Variants in SLC4A10 observed in about 807,000 individuals in gnomAD.
SLC4A10 encodes the protein solute carrier family 4 member 10.
In SLC4A10, 42 loss-of-function variants were observed where a neutral mutation model predicts 137.7. The ratio of observed to expected loss-of-function variants is 0.30; its 90% CI spans 0.24 to 0.39. SLC4A10 has a LOEUF of 0.39. Among genes scored for constraint, SLC4A10 ranks in the 10% least tolerant of loss-of-function variants. The pLI, the probability that SLC4A10 is intolerant of heterozygous loss-of-function variation, is 1.00. For missense variants in SLC4A10, 925 were observed against 1,355.0 expected (o/e 0.68, Z 4.98); for synonymous variants, 474 against 464.1 (o/e 1.02, Z -0.27).
intron 8 of SLC4A10, among the ~76,000 whole-genome samples, chr2:161,876,193 C>A (rs1358289233): frequency 6.6e-6 from 1 of 152,144 alleles, no homozygotes; most frequent in African/African-American, 2.4e-5. Flanking sequence ...AGCTCGATTT[C>A]TTCAAGATCC....
chr2:161,663,920 A>G (rs894720943), intron 1 of SLC4A10, among the ~76,000 whole-genome samples: 1 of 152,026 alleles, frequency 6.6e-6, no homozygotes, highest in African/African-American at 2.4e-5. Context: ...AACTGCATAC[A>G]TTTTTTGTTA....
At chr2:161,784,225 C>G (rs2053374823) in intron 2 of SLC4A10, among the ~76,000 whole-genome samples, 2 of 151,730 alleles carry the variant, frequency 1.3e-5, no homozygotes, top group Admixed American at 1.3e-4. Flanking sequence ...AATTAAGCAC[C>G]TAAACATATA....
chr2:161,801,617 G>A (rs10177786), intron 2 of SLC4A10, among the ~76,000 whole-genome samples: 4,667 of 152,066 alleles, frequency 0.031, 247 homozygotes, highest in African/African-American at 0.11. Context: ...CACTTTTGAC[G>A]CTTTCTTCAA....
chr2:161,741,600 G>T (rs1399940602), intron 1 of SLC4A10, among the ~76,000 whole-genome samples: 1 of 152,068 alleles, frequency 6.6e-6, no homozygotes, highest in Non-Finnish European at 1.5e-5. Context: ...TCTGTGTCTG[G>T]TGTTTACCTA....
rs114137613 is a variant in SLC4A10 at position 161,630,506 on chromosome 2, A to G, written c.48+5940A>G. Among the ~76,000 whole-genome samples, 1,454 of 151,768 alleles carry G rather than the reference A, an allele frequency of 9.6e-3. 25 individuals are homozygous for G. The highest frequency in any genetic ancestry group is 0.033 in the African/African-American group (1,379 of 41,492). On this transcript the variant is annotated intron_variant, in intron 1 of 26. Transcript: ENST00000446997. Reference sequence around the variant, plus strand: ...AGTCTAGATTTTAGACTGGCTCCTTAATTTACGGATGATGGAACTGGACAT... The same window carrying G: ...AGTCTAGATTTTAGACTGGCTCCTTGATTTACGGATGATGGAACTGGACAT...
intron 2 of SLC4A10, among the ~76,000 whole-genome samples, chr2:161,773,372 G>A (rs910647175): frequency 6.6e-6 from 1 of 151,760 alleles, no homozygotes; most frequent in African/African-American, 2.4e-5. Context: ...CGCCTTTTGG[G>A]AACACATTCA....
At chr2:161,888,292 A>C (rs2062532415) in intron 10 of SLC4A10, among the ~76,000 whole-genome samples, 2 of 152,178 alleles carry the variant, frequency 1.3e-5, no homozygotes. Flanking sequence ...TTTTGGTTCC[A>C]TATGAAATTT....
intron 2 of SLC4A10, among the ~76,000 whole-genome samples, chr2:161,788,417 G>A (rs143490069): frequency 2.5e-3 from 378 of 152,014 alleles, no homozygotes; most frequent in African/African-American, 8.9e-3. Context: ...TCACCCTCAG[G>A]CAGTCTAATG....
chr2:161,868,518 T>C (rs1422048103), intron 6 of SLC4A10, among the ~76,000 whole-genome samples: 1 of 151,594 alleles, frequency 6.6e-6, no homozygotes, highest in Non-Finnish European at 1.5e-5. Context: ...AATAACTTTT[T>C]ATCTGACACA....
intron 26 of SLC4A10, among the ~76,000 whole-genome samples, chr2:161,980,240 C>A (rs184524152): frequency 6.6e-6 from 1 of 152,136 alleles, no homozygotes; most frequent in Non-Finnish European, 1.5e-5. Context: ...ATCCGCTCTA[C>A]CCCCCAACAC....
intron 2 of SLC4A10, among the ~76,000 whole-genome samples, chr2:161,788,342 T>C (rs1165790459): frequency 6.6e-6 from 1 of 151,932 alleles, no homozygotes; most frequent in Non-Finnish European, 1.5e-5. Context: ...TGACAGTAGG[T>C]TTTTTATTTG....
intron 16 of SLC4A10, among the ~76,000 whole-genome samples, chr2:161,946,123 C>T (rs889369103): frequency 6.6e-6 from 1 of 151,780 alleles, no homozygotes; most frequent in African/African-American, 2.4e-5. Context: ...TAATTAAGGC[C>T]TGGGGGATTT....
intron 15 of SLC4A10, among the ~76,000 whole-genome samples, chr2:161,933,261 T>TCTCCTTCCTTC (rs1690913328): frequency 6.8e-6 from 1 of 147,178 alleles, no homozygotes; most frequent in Non-Finnish European, 1.5e-5. Context: ...CTTCTTTCTT[T>TCTCCTTCCTTC]CTCCTTCCTT....
At chr2:161,792,955 A>G (rs1435116505) in intron 2 of SLC4A10, among the ~76,000 whole-genome samples, 6 of 152,142 alleles carry the variant, frequency 3.9e-5, no homozygotes, top group African/African-American at 1.4e-4. Context: ...ATAAATATTA[A>G]ATAATAATTG....
In SLC4A10 at chr2:161,776,856, GGTGTGTGT is replaced by G. The variant is rs71009340; in HGVS notation, c.130+5831_130+5838del. On this transcript the variant is annotated intron_variant, in intron 2 of 26. Transcript: ENST00000446997. ...ACATCCTTGCCAACACTTATTTTCT[GGTGTGTGT>G]GTGTGTGTGTGTGTGTGTGTGTGTG... is the stretch of plus-strand genomic sequence containing the variant. Among the ~76,000 whole-genome samples the G allele has an allele frequency of 4.4e-4, 63 of 143,222 alleles. 1 individual carries two copies. The highest frequency in any genetic ancestry group is 3.1e-3 in the East Asian group (15 of 4,842). The allele number at this position is 143,222 out of a possible 152,430, so 94.0% of individuals were successfully genotyped here. A position where few individuals can be genotyped will look rare whatever the true frequency, so the allele number is the denominator to read the frequency against.
At chr2:161,977,881 G>C (rs1699636457) in intron 26 of SLC4A10, 121 bp downstream of exon 26, 4 of 807,178 alleles carry the variant, frequency 5.0e-6, no homozygotes, top group Non-Finnish European at 7.5e-6. Context: ...AAGGCATGGA[G>C]AGTGTTGGGC....
chr2:161,918,705 A>T (rs1220642974), intron 15 of SLC4A10, among the ~76,000 whole-genome samples: 3 of 152,132 alleles, frequency 2.0e-5, no homozygotes, highest in African/African-American at 7.2e-5. Context: ...TCCTTTAAGA[A>T]ACTTGGTAAT....
intron 1 of SLC4A10, among the ~76,000 whole-genome samples, chr2:161,655,398 T>C (rs991966197): frequency 1.3e-5 from 2 of 152,226 alleles, no homozygotes; most frequent in Non-Finnish European, 2.9e-5. Flanking sequence ...AGTACTATTT[T>C]GAATAGAAAT....
chr2:161,938,769 C>A (rs1692094160), intron 15 of SLC4A10, among the ~76,000 whole-genome samples: 1 of 150,040 alleles, frequency 6.7e-6, no homozygotes, highest in African/African-American at 2.4e-5. Context: ...TTTGTACACT[C>A]TGAAATGAGA....
Sources: allele counts gnomAD v4.1 joint callset (sites outside exome capture counted in the v4.1 genomes callset), GRCh38; gene constraint gnomAD v4.1.1; transcripts MANE v1.5; gene names NCBI Gene and HGNC (gene_info 2026-07-23, HGNC 2026-07-21).